Variants in SRSF11 observed in about 807,000 individuals in gnomAD.
The protein encoded by SRSF11 is serine/arginine-rich splicing factor 11.
Under a neutral mutation model 56.0 loss-of-function variants are expected in SRSF11, and 9 were observed. That is an observed-to-expected ratio of 0.16 (90% CI 0.10 to 0.28). The LOEUF (loss-of-function observed/expected upper bound fraction) is 0.28, where lower values mean the gene tolerates loss of function less well. Among genes scored for constraint, SRSF11 ranks in the 10% least tolerant of loss-of-function variants. SRSF11 has a pLI of 1.00. For synonymous variants in SRSF11, 222 were observed against 215.3 expected (o/e 1.03, Z -0.27); for missense variants, 421 against 600.7 (o/e 0.70, Z 3.13).
chr1:70,235,409 C>A, intron 4 of SRSF11, 92 bp from the exon 5 acceptor site: 1 of 1,046,934 alleles, frequency 9.6e-7, no homozygotes, highest in Non-Finnish European at 1.4e-6. Context: ...ATGTAGTCTG[C>A]ATGGATTTCT....
At chr1:70,212,676 TCTTTAA>T (rs1423675897) in intron 1 of SRSF11, among the ~76,000 whole-genome samples, 1 of 152,234 alleles carries the variant, frequency 6.6e-6, no homozygotes, top group Non-Finnish European at 1.5e-5. Flanking sequence ...ATAATTCATA[TCTTTAA>T]CTTAACTGTT....
intron 1 of SRSF11, among the ~76,000 whole-genome samples, chr1:70,209,596 T>C (rs2100441230): frequency 6.6e-6 from 1 of 152,114 alleles, no homozygotes; most frequent in Admixed American, 6.5e-5. Flanking sequence ...GAGAGGACAT[T>C]CTTTTTTGTT....
intron 2 of SRSF11, chr1:70,229,472 T>C: frequency 8.1e-6 from 8 of 985,270 alleles, no homozygotes; most frequent in Non-Finnish European, 9.6e-6. Flanking sequence ...TGTAAAATTT[T>C]CTAAGGCGTA....
At position 70,249,956 on chromosome 1, in the gene SRSF11, AGAC is replaced by A; in HGVS notation, c.1036_1038del (p.Arg347del). 6.2e-7 allele frequency: 1 copy of A among 1,614,118 alleles called. No homozygotes were observed. The highest frequency in any genetic ancestry group is 8.5e-7 in the Non-Finnish European group (1 of 1,179,992). ...TTTGCACATTTGTGATTCTAGAGAG[AGAC>A]GACGACGAAGAAGCAGGAGTGGCAC... is the stretch of plus-strand genomic sequence containing the variant. On this transcript the variant is annotated inframe_deletion, in exon 10 of 12. Coordinates refer to ENST00000370949, the MANE Select transcript of SRSF11 (RefSeq NM_001350605.2).
upstream of SRSF11, among the ~76,000 whole-genome samples, chr1:70,219,866 T>C (rs1041482933): frequency 6.6e-6 from 1 of 152,248 alleles, no homozygotes; most frequent in African/African-American, 2.4e-5. Flanking sequence ...TGCTCTAATC[T>C]CTCACATATT....
At chr1:70,244,636 G>C in intron 7 of SRSF11, 48 bp from the exon 8 acceptor site, 2 of 1,573,786 alleles carry the variant, frequency 1.3e-6, no homozygotes, top group Non-Finnish European at 1.7e-6. Flanking sequence ...AAAATTTATA[G>C]TCTTTTTACA....
intron 1 of SRSF11, among the ~76,000 whole-genome samples, chr1:70,210,706 C>A (rs1381062234): frequency 1.3e-5 from 2 of 152,088 alleles, no homozygotes; most frequent in Non-Finnish European, 2.9e-5. Context: ...CAGAGCGAGA[C>A]CCTGTAGGGA....
chr1:70,238,996 A>G (rs1674717821), intron 6 of SRSF11, among the ~76,000 whole-genome samples: 1 of 152,226 alleles, frequency 6.6e-6, no homozygotes, highest in African/African-American at 2.4e-5. Context: ...GTTACTTGTG[A>G]CATTCAAGGG....
At chr1:70,210,826 A>G (rs754116534) in intron 1 of SRSF11, among the ~76,000 whole-genome samples, 1 of 152,110 alleles carries the variant, frequency 6.6e-6, no homozygotes, top group African/African-American at 2.4e-5. Context: ...GGCTTTTTTT[A>G]AATGTTAGTT....
At chr1:70,247,024 G>C in intron 9 of SRSF11, 117 bp downstream of exon 9, 1 of 1,122,372 alleles carries the variant, frequency 8.9e-7, no homozygotes, top group East Asian at 2.8e-5. Flanking sequence ...GTTGAAAAAA[G>C]TTACATTTTG....
intron 1 of SRSF11, among the ~76,000 whole-genome samples, chr1:70,206,812 C>G (rs1669075307): frequency 6.6e-6 from 1 of 151,576 alleles, no homozygotes; most frequent in South Asian, 2.1e-4. Flanking sequence ...TCTGTGGAGT[C>G]CTTTACACTA....
chr1:70,215,121 C>T (rs1669895755), intron 1 of SRSF11, among the ~76,000 whole-genome samples: 1 of 152,022 alleles, frequency 6.6e-6, no homozygotes, highest in Admixed American at 6.5e-5. Context: ...TAGTCTTGAA[C>T]TCCTGGCGTG....
At chr1:70,250,212 A>T in intron 10 of SRSF11, 153 bp from the exon 11 acceptor site, 1 of 1,330,114 alleles carries the variant, frequency 7.5e-7, no homozygotes, top group Non-Finnish European at 1.0e-6. Flanking sequence ...TGAACATTTT[A>T]GTCCTATAAA....
chr1:70,221,428 T>G lies in SRSF11; in HGVS notation c.-209T>G. The G allele has an allele frequency of 1.5e-5, 9 of 598,030 alleles. No homozygotes were observed. The highest frequency in any genetic ancestry group is 6.4e-5 in the East Asian group (2 of 31,294). 37.0% of individuals were successfully genotyped at this position (598,030 alleles called of 1,614,324 possible). A position where few individuals can be genotyped will look rare whatever the true frequency, so the allele number is the denominator to read the frequency against. ...GGGGCGGCCGTTTGTTTTCTCGTGGTCTCGAGCTCGCGCGCTCTCATCCCC... is the reference window on the plus strand; with the variant it reads ...GGGGCGGCCGTTTGTTTTCTCGTGGGCTCGAGCTCGCGCGCTCTCATCCCC... On this transcript the variant is annotated 5_prime_UTR_variant, in exon 1 of 12. Transcript: ENST00000370949.
chr1:70,216,479 CTAGAG>C (rs1286308164), upstream of SRSF11, among the ~76,000 whole-genome samples: 29 of 150,614 alleles, frequency 1.9e-4, no homozygotes, highest in African/African-American at 7.1e-4. Context: ...GTCACCCAGA[CTAGAG>C]TACAGTGTCA....
At chr1:70,235,961 C>G (rs1489638528) in intron 5 of SRSF11, among the ~76,000 whole-genome samples, 1 of 152,198 alleles carries the variant, frequency 6.6e-6, no homozygotes, top group Non-Finnish European at 1.5e-5. Context: ...AAGTGCTCTT[C>G]ATGCTGTCAC....
chr1:70,217,116 T>G (rs1670077539), upstream of SRSF11, among the ~76,000 whole-genome samples: 1 of 152,110 alleles, frequency 6.6e-6, no homozygotes, highest in Admixed American at 6.6e-5. Flanking sequence ...CATTAGTCCT[T>G]TCATCTTTGT....
chr1:70,205,855 C>T (rs1668957775), intron 1 of SRSF11: 1 of 225,670 alleles, frequency 4.4e-6, no homozygotes, highest in Non-Finnish European at 8.6e-6. Context: ...CCAACCTTCT[C>T]CTCTGTGCTT....
chr1:70,251,115 A>G lies in SRSF11; in HGVS notation c.*310A>G, dbSNP rs537558927. 1.2e-5 allele frequency: 3 copies of G among 253,508 alleles called. No homozygotes were observed. The highest frequency in any genetic ancestry group is 4.4e-5 in the African/African-American group (2 of 45,520). 15.7% of individuals were successfully genotyped at this position (253,508 alleles called of 1,614,324 possible). A position where few individuals can be genotyped will look rare whatever the true frequency, so the allele number is the denominator to read the frequency against. ...AGCAGGCATGGATTGTTTATGTCGT[A>G]TGATATCCTTTATTAAGTAAGTTCA... is the stretch of plus-strand genomic sequence containing the variant. On this transcript the variant is annotated 3_prime_UTR_variant, in exon 12 of 12. Coordinates refer to ENST00000370949, the MANE Select transcript of SRSF11 (RefSeq NM_001350605.2).
Sources: gnomAD v4.1 joint callset for allele counts (sites outside exome capture counted in the v4.1 genomes callset) on GRCh38, gnomAD v4.1.1 for gene constraint, MANE v1.5 for transcripts, NCBI Gene and HGNC (gene_info 2026-07-23, HGNC 2026-07-21) for gene names.